The following KAZN variants were observed in gnomAD, a reference collection of about 807,000 sequenced individuals.
KAZN encodes the protein kazrin, periplakin interacting protein.
KAZN carries 40 observed loss-of-function variants against 87.4 expected under a neutral mutation model. The observed-to-expected ratio is 0.46, with a 90% CI of 0.36 to 0.60. KAZN has a LOEUF of 0.60. KAZN is among the 20% of genes least tolerant of loss of function. The pLI is 0.00. For synonymous variants in KAZN, 466 were observed against 458.3 expected, an observed-to-expected ratio of 1.02 and a Z score of -0.22; for missense variants, 898 against 1,073.9, an observed-to-expected ratio of 0.84 and a Z score of 2.29.
At chr1:14,953,119 GA>G (rs1207569059) in intron 1 of KAZN, among the ~76,000 whole-genome samples, 14 of 152,356 alleles carry the variant, frequency 9.2e-5, no homozygotes, top group African/African-American at 3.4e-4. Flanking sequence ...TGTTGGGTGT[GA>G]GCAGAACAGA....
chr1:15,090,341 C>G (rs1312335601), intron 8 of KAZN, among the ~76,000 whole-genome samples: 2 of 152,244 alleles, frequency 1.3e-5, no homozygotes, highest in African/African-American at 4.8e-5. Flanking sequence ...GCCAGCCAGG[C>G]TGGAGGCCTC....
At chr1:13,941,819 C>A (rs1296090188) in intron 1 of KAZN, among the ~76,000 whole-genome samples, 1 of 152,144 alleles carries the variant, frequency 6.6e-6, no homozygotes, top group African/African-American at 2.4e-5. Flanking sequence ...CAAAGAGCTA[C>A]CAAGGCAGCC....
At chr1:14,208,911 T>C (rs925175118) in intron 2 of KAZN, among the ~76,000 whole-genome samples, 2 of 152,200 alleles carry the variant, frequency 1.3e-5, no homozygotes, top group Non-Finnish European at 2.9e-5. Context: ...CCCCTTGAGA[T>C]TCTAAGAGGT....
At chr1:15,080,641 TA>T (rs1639953129) in intron 8 of KAZN, among the ~76,000 whole-genome samples, 1 of 152,212 alleles carries the variant, frequency 6.6e-6, no homozygotes, top group Non-Finnish European at 1.5e-5. Flanking sequence ...GATCGGGCCA[TA>T]AAAAGTTGTT....
chr1:14,757,962 T>C (rs1030819624), intron 1 of KAZN, among the ~76,000 whole-genome samples: 1 of 152,192 alleles, frequency 6.6e-6, no homozygotes, highest in Non-Finnish European at 1.5e-5. Flanking sequence ...TTGCATTGAC[T>C]GGGATGTGTG....
intron 2 of KAZN, among the ~76,000 whole-genome samples, chr1:14,383,079 G>C (rs1235129020): frequency 1.3e-5 from 2 of 151,524 alleles, no homozygotes; most frequent in Non-Finnish European, 2.9e-5. Context: ...GTGATGGTGA[G>C]CATTGTTTCA....
intron 2 of KAZN, among the ~76,000 whole-genome samples, chr1:14,544,804 G>C (rs893913727): frequency 8.6e-5 from 13 of 150,974 alleles, no homozygotes; most frequent in East Asian, 1.9e-4. Context: ...TCCTGGGCTT[G>C]AGTGATCCTC....
At chr1:14,128,983 T>G (rs1158180288) in intron 1 of KAZN, among the ~76,000 whole-genome samples, 1 of 152,234 alleles carries the variant, frequency 6.6e-6, no homozygotes, top group Non-Finnish European at 1.5e-5. Context: ...AATTTTAACA[T>G]AAGCCTAGCA....
chr1:14,772,380 A>G (rs996837756), intron 1 of KAZN, among the ~76,000 whole-genome samples: 1 of 152,106 alleles, frequency 6.6e-6, no homozygotes, highest in Non-Finnish European at 1.5e-5. Flanking sequence ...GCTCCTCAGG[A>G]GGCTGAGGTG....
At chr1:14,012,164 C>T (rs1640343763) in intron 1 of KAZN, among the ~76,000 whole-genome samples, 1 of 152,146 alleles carries the variant, frequency 6.6e-6, no homozygotes, top group Non-Finnish European at 1.5e-5. Context: ...AGGAATGTAA[C>T]TACATGTAAA....
At chr1:14,240,212 C>G (rs1262829029) in intron 2 of KAZN, among the ~76,000 whole-genome samples, 2 of 152,204 alleles carry the variant, frequency 1.3e-5, no homozygotes, top group Non-Finnish European at 2.9e-5. Context: ...CAGCCATTTT[C>G]TTATACACAA....
chr1:14,001,024 C>T (rs563630831), intron 1 of KAZN, among the ~76,000 whole-genome samples: 5 of 152,012 alleles, frequency 3.3e-5, no homozygotes, highest in African/African-American at 4.8e-5. Context: ...CCTCGTGATC[C>T]GCCCGCCTCA....
chr1:13,970,477 A>T (rs1222847131), intron 1 of KAZN, among the ~76,000 whole-genome samples: 2 of 152,192 alleles, frequency 1.3e-5, no homozygotes, highest in African/African-American at 4.8e-5. Flanking sequence ...GCCATGGAAG[A>T]GTTGGAGTTT....
intron 2 of KAZN, among the ~76,000 whole-genome samples, chr1:14,538,708 C>T (rs1357207885): frequency 6.6e-6 from 1 of 152,208 alleles, no homozygotes; most frequent in Non-Finnish European, 1.5e-5. Flanking sequence ...ATGCGCCAAG[C>T]AGCTGAAATG....
intron 2 of KAZN, among the ~76,000 whole-genome samples, chr1:14,493,557 T>A (rs1484510759): frequency 6.6e-6 from 1 of 152,232 alleles, no homozygotes; most frequent in Non-Finnish European, 1.5e-5. Flanking sequence ...TGTTTCAGAC[T>A]CATGCTTGTA....
At chr1:14,511,839 G>T (rs1410097584) in intron 2 of KAZN, among the ~76,000 whole-genome samples, 1 of 152,186 alleles carries the variant, frequency 6.6e-6, no homozygotes, top group Non-Finnish European at 1.5e-5. Context: ...AGACTGGGAA[G>T]AAGAATTCAG....
intron 2 of KAZN, among the ~76,000 whole-genome samples, chr1:14,364,537 G>C (rs1300391113): frequency 6.6e-6 from 1 of 152,134 alleles, no homozygotes; most frequent in East Asian, 1.9e-4. Context: ...ATATAGGAAA[G>C]GGATCCATAA....
chr1:14,477,270 T>C (rs1668789513), intron 2 of KAZN, among the ~76,000 whole-genome samples: 1 of 152,186 alleles, frequency 6.6e-6, no homozygotes, highest in Non-Finnish European at 1.5e-5. Flanking sequence ...CCACGTAAGA[T>C]GTGACTTGCT....
chr1:14,128,367 C>G (rs1222088950), intron 1 of KAZN, among the ~76,000 whole-genome samples: 1 of 151,754 alleles, frequency 6.6e-6, no homozygotes, highest in Non-Finnish European at 1.5e-5. Flanking sequence ...TTTGCTAGGA[C>G]TGCCATAGTG....
Sources: allele counts gnomAD v4.1 joint callset (sites outside exome capture counted in the v4.1 genomes callset), GRCh38; gene constraint gnomAD v4.1.1; transcripts MANE v1.5; gene names NCBI Gene and HGNC (gene_info 2026-07-23, HGNC 2026-07-21).